Variants in GRIP1 observed in about 807,000 individuals in gnomAD.
GRIP1 encodes glutamate receptor-interacting protein 1.
In GRIP1, 45 loss-of-function variants were observed where a neutral mutation model predicts 129.9. That is an observed-to-expected ratio of 0.35 (90% CI 0.27 to 0.44). GRIP1 has a LOEUF of 0.44. Among genes scored for constraint, GRIP1 ranks in the 20% least tolerant of loss-of-function variants. GRIP1 has a pLI of 1.00. For missense variants in GRIP1, 1,196 were observed against 1,396.8 expected, an observed-to-expected ratio of 0.86 and a Z score of 2.29; for synonymous variants, 530 against 520.8, an observed-to-expected ratio of 1.02 and a Z score of -0.24.
intron 1 of GRIP1, among the ~76,000 whole-genome samples, chr12:66,606,259 T>C (rs145636250): frequency 0.012 from 1,819 of 152,288 alleles, 42 homozygotes; most frequent in African/African-American, 0.042. Flanking sequence ...GCAAAGTCGA[T>C]GGCAGGAAAA....
chr12:66,760,891 T>C (rs1340876116), intron 1 of GRIP1, among the ~76,000 whole-genome samples: 1 of 151,978 alleles, frequency 6.6e-6, no homozygotes, highest in African/African-American at 2.4e-5. Flanking sequence ...GGGTCACCTT[T>C]GTCTGTTAAA....
chr12:66,606,514 A>C (rs1213810384), intron 1 of GRIP1, among the ~76,000 whole-genome samples: 1 of 148,006 alleles, frequency 6.8e-6, no homozygotes, highest in Admixed American at 6.6e-5. Context: ...TAACTTTATA[A>C]ATAATTAGAG....
At chr12:66,623,243 G>A (rs181681108) in intron 1 of GRIP1, among the ~76,000 whole-genome samples, 1 of 152,204 alleles carries the variant, frequency 6.6e-6, no homozygotes, top group Admixed American at 6.5e-5. Flanking sequence ...TATCTTCAAT[G>A]AACTTTATTT....
chr12:66,800,691 A>G (rs1191924852), intron 1 of GRIP1, among the ~76,000 whole-genome samples: 2 of 152,122 alleles, frequency 1.3e-5, no homozygotes, highest in African/African-American at 4.8e-5. Context: ...TTAGCGAAAA[A>G]CAAAAACACC....
At chr12:66,626,301 C>A (rs901710788) in intron 1 of GRIP1, among the ~76,000 whole-genome samples, 1 of 150,500 alleles carries the variant, frequency 6.6e-6, no homozygotes, top group Non-Finnish European at 1.5e-5. Flanking sequence ...GACCGCACCA[C>A]TGCACTCCAG....
intron 1 of GRIP1, among the ~76,000 whole-genome samples, chr12:66,871,913 T>G (rs1218906964): frequency 1.3e-5 from 2 of 152,108 alleles, no homozygotes; most frequent in Non-Finnish European, 2.9e-5. Flanking sequence ...CTCTATCAGC[T>G]GACTCTAGTT....
Position 66,444,602 on chromosome 12 carries a change from T to C in GRIP1, c.1669A>G (p.Ile557Val). ...ATTATACCTGCAACATCAAACTCGATTTCCAGTGTGACCTTGCTCGTGATT... is the reference window on the plus strand; with the variant it reads ...ATTATACCTGCAACATCAAACTCGACTTCCAGTGTGACCTTGCTCGTGATT... ...SSITSKVTLE[I>V]EFDVAESVIP... The change falls in exon 13 of 25, where the codon ATC becomes GTC. Residue 557 changes from isoleucine to valine, a missense_variant. This residue lies in a region of GRIP1 where 508 missense variants were observed against 587.0 expected (regional missense o/e 0.87). Transcript: ENST00000359742. 1.2e-6 allele frequency: 2 copies of C among 1,613,984 alleles called. No homozygotes were observed. The highest frequency in any genetic ancestry group is 1.7e-6 in the Non-Finnish European group (2 of 1,179,968).
At chr12:66,798,845 T>C (rs746620743) in intron 1 of GRIP1, among the ~76,000 whole-genome samples, 5 of 152,118 alleles carry the variant, frequency 3.3e-5, no homozygotes, top group African/African-American at 7.2e-5. Context: ...ATCAGGAGTT[T>C]GTTTTTGTTC....
chr12:66,518,994 C>A (rs1403086414), intron 5 of GRIP1, among the ~76,000 whole-genome samples: 9 of 151,662 alleles, frequency 5.9e-5, no homozygotes, highest in Non-Finnish European at 1.2e-4. Flanking sequence ...TCCTGACTGT[C>A]CATCTGGGAG....
At chr12:66,912,995 A>C (rs2041056145) in intron 1 of GRIP1, among the ~76,000 whole-genome samples, 1 of 152,168 alleles carries the variant, frequency 6.6e-6, no homozygotes, top group Non-Finnish European at 1.5e-5. Context: ...ACCAAACATG[A>C]ATGTGCAAAA....
chr12:66,506,503 G>C (rs906035231), intron 7 of GRIP1, among the ~76,000 whole-genome samples: 1 of 152,094 alleles, frequency 6.6e-6, no homozygotes, highest in Non-Finnish European at 1.5e-5. Flanking sequence ...CTCTGGTTTA[G>C]GAAATCAAGA....
chr12:66,349,950 T>A (rs1018572989), intron 24 of GRIP1, among the ~76,000 whole-genome samples: 9 of 152,228 alleles, frequency 5.9e-5, no homozygotes, highest in African/African-American at 2.2e-4. Flanking sequence ...CTCCTTGATC[T>A]TCCATTCTCT....
intron 1 of GRIP1, among the ~76,000 whole-genome samples, chr12:66,968,799 T>G (rs2042033207): frequency 6.6e-6 from 1 of 152,120 alleles, no homozygotes; most frequent in Non-Finnish European, 1.5e-5. Flanking sequence ...TACCTTAAAT[T>G]TATTCCTTCT....
At chr12:66,831,845 C>T (rs1004112727) in intron 1 of GRIP1, among the ~76,000 whole-genome samples, 3 of 148,354 alleles carry the variant, frequency 2.0e-5, no homozygotes, top group African/African-American at 4.9e-5. Flanking sequence ...TACCTACCAC[C>T]TAGACTGCAG....
chr12:66,423,499 G>A (rs540964239), intron 14 of GRIP1, among the ~76,000 whole-genome samples: 3 of 152,278 alleles, frequency 2.0e-5, no homozygotes, highest in East Asian at 1.9e-4. Context: ...GAAAGCTTCT[G>A]AGTTTGTGAC....
At chr12:66,690,897 C>T (rs1209505625) in intron 1 of GRIP1, among the ~76,000 whole-genome samples, 5 of 151,580 alleles carry the variant, frequency 3.3e-5, no homozygotes, top group Admixed American at 6.6e-5. Flanking sequence ...CCTGCCACTG[C>T]AGTCCAGCCT....
At position 66,679,058 on chromosome 12, in the gene GRIP1, G is replaced by A. The variant is rs953338615; in HGVS notation, c.-154C>T. The A allele has an allele frequency of 6.5e-7, 1 of 1,529,140 alleles. No homozygotes were observed. Among genetic ancestry groups the A allele is most frequent in the South Asian group, 1.2e-5 (1 of 82,790 alleles). The allele number at this position is 1,529,140 out of a possible 1,614,324, so 94.7% of individuals were successfully genotyped here. A position where few individuals can be genotyped will look rare whatever the true frequency, so the allele number is the denominator to read the frequency against. On this transcript the variant is annotated 5_prime_UTR_variant, in exon 1 of 25. Coordinates refer to ENST00000359742, the MANE Select transcript of GRIP1 (RefSeq NM_001366722.1). ...CTTAATTCCTCTTGGCTGATGCAGA[G>A]GTCCGCTACATGTCATCTGGCAAAT...
At position 66,896,480 on chromosome 12, in the gene GRIP1, G is replaced by GAAAAAAAAAAAAAAAAAA. The variant is rs5798843; in HGVS notation, c.58+172569_58+172570insTTTTTTTTTTTTTTTTTT. 1.4e-4 allele frequency among the ~76,000 whole-genome samples: 15 copies of GAAAAAAAAAAAAAAAAAA among 107,872 alleles called. No homozygotes were observed. In the East Asian group the frequency reaches 3.8e-3, roughly 28 times the overall value. 70.8% of individuals were successfully genotyped at this position (107,872 alleles called of 152,430 possible). A position where few individuals can be genotyped will look rare whatever the true frequency, so the allele number is the denominator to read the frequency against. ...TGAGAATATTACCTCTGAGGAATTT[G>GAAAAAAAAAAAAAAAAAA]AAAAAAAAAAAAAAAACTTTGGTGG... On this transcript the variant is annotated intron_variant, in intron 1 of 1. Transcript: ENST00000643019.
At chr12:67,012,234 C>T (rs968467014) in intron 1 of GRIP1, among the ~76,000 whole-genome samples, 4 of 152,076 alleles carry the variant, frequency 2.6e-5, no homozygotes, top group African/African-American at 9.7e-5. Flanking sequence ...TTCTACCAAC[C>T]CTACAGAATT....
Sources: allele counts gnomAD v4.1 joint callset (sites outside exome capture counted in the v4.1 genomes callset), GRCh38; gene constraint gnomAD v4.1.1; regional missense constraint gnomAD v4.1.1; transcripts MANE v1.5; gene names NCBI Gene and HGNC (gene_info 2026-07-23, HGNC 2026-07-21).